Variants in ADORA1 observed in about 807,000 individuals in gnomAD.
ADORA1 encodes adenosine receptor A1.
ADORA1 carries 6 observed loss-of-function variants against 19.9 expected under a neutral mutation model. That is an observed-to-expected ratio of 0.30 (90% confidence interval 0.17 to 0.59). ADORA1 has a LOEUF of 0.59. ADORA1 is among the 20% of genes least tolerant of loss of function. ADORA1 has a pLI of 0.87. For synonymous variants in ADORA1, 194 were observed against 188.4 expected, an observed-to-expected ratio of 1.03 and a Z score of -0.24; for missense variants, 302 against 439.2, an observed-to-expected ratio of 0.69 and a Z score of 2.79.
chr1:203,152,768 C>G (rs1333951276), intron 3 of ADORA1: 1 of 152,070 alleles, frequency 6.6e-6, no homozygotes, highest in African/African-American at 2.4e-5. Context: ...GGTCAGACAC[C>G]CTCCTCCTTG....
intron 3 of ADORA1, chr1:203,150,556 C>T: frequency 8.1e-7 from 1 of 1,242,052 alleles, no homozygotes; most frequent in Admixed American, 2.5e-5. Context: ...GTTATTTGGG[C>T]TCTACACCCC....
Position 203,128,905 on chromosome 1 carries a change from G to A in ADORA1, c.64G>A (p.Val22Ile). The A allele has an allele frequency of 6.2e-7, 1 of 1,613,532 alleles. No homozygotes were observed. Among genetic ancestry groups the A allele is most frequent in the Non-Finnish European group, 8.5e-7 (1 of 1,180,022 alleles). ...YIGIEVLIAL[V>I]SVPGNVLVIW... ...CGGCATCGAGGTGCTCATCGCCCTG[G>A]TCTCTGTGCCCGGGAACGTGCTGGT... The change falls in exon 3 of 4, where the codon GTC becomes ATC. Residue 22 changes from valine to isoleucine, a missense_variant. Transcript: ENST00000337894. This position sits in a 1 kb window ranked among gnomAD's most constrained non-coding sequence, Gnocchi z 5.9.
At chr1:203,149,046 A>T (rs1654950408) in intron 3 of ADORA1, among the ~76,000 whole-genome samples, 1 of 151,760 alleles carries the variant, frequency 6.6e-6, no homozygotes, top group Non-Finnish European at 1.5e-5. Flanking sequence ...ACTGGCTAAT[A>T]TTTGTATTTT....
Position 203,167,170 on chromosome 1 carries a change from C to T in ADORA1, c.*1270C>T, listed in dbSNP as rs1655586248. 1 of 151,278 alleles carries T rather than the reference C, an allele frequency of 6.6e-6. No individual in the cohort carries two copies. Among genetic ancestry groups the T allele is most frequent in the African/African-American group, 2.5e-5 (1 of 39,768 alleles). 9.4% of individuals were successfully genotyped at this position (151,278 alleles called of 1,614,324 possible). On this transcript the variant is annotated 3_prime_UTR_variant, in exon 4 of 4. Coordinates refer to ENST00000337894, the MANE Select transcript of ADORA1 (RefSeq NM_000674.3). ...GGGGCAAGGTGGGGGAGCCTGGAGC[C>T]CCTGTGTGGGAGGGCGAGGCGGGGG...
At chr1:203,131,930 G>A (rs1448114043) in intron 3 of ADORA1, among the ~76,000 whole-genome samples, 4 of 152,308 alleles carry the variant, frequency 2.6e-5, no homozygotes, top group East Asian at 1.9e-4. Flanking sequence ...ACAGAGAGTC[G>A]TACTGACCGA....
intron 3 of ADORA1, among the ~76,000 whole-genome samples, chr1:203,158,595 C>T (rs1020671981): frequency 6.6e-6 from 1 of 152,202 alleles, no homozygotes; most frequent in African/African-American, 2.4e-5. Context: ...ATACCTGTTA[C>T]CCAGTTCTAA....
intron 3 of ADORA1, among the ~76,000 whole-genome samples, chr1:203,135,425 G>A (rs1181072831): frequency 1.3e-5 from 2 of 152,112 alleles, no homozygotes; most frequent in African/African-American, 2.4e-5. Flanking sequence ...TTGGGAGCCC[G>A]AGGCAGGCAG....
chr1:203,146,002 C>G (rs762120964), intron 3 of ADORA1, among the ~76,000 whole-genome samples: 1 of 152,152 alleles, frequency 6.6e-6, no homozygotes, highest in Non-Finnish European at 1.5e-5. Flanking sequence ...GTATGGTGCC[C>G]GGGGCATCTG....
chr1:203,133,012 AGT>A (rs1654390408), intron 3 of ADORA1, among the ~76,000 whole-genome samples: 2 of 151,856 alleles, frequency 1.3e-5, no homozygotes, highest in South Asian at 4.1e-4. Context: ...GCTCCTAGTG[AGT>A]GTATGCTAGG....
chr1:203,157,091 C>T (rs1655220373), intron 3 of ADORA1, among the ~76,000 whole-genome samples: 1 of 152,228 alleles, frequency 6.6e-6, no homozygotes, highest in African/African-American at 2.4e-5. Flanking sequence ...TTTATTCCAT[C>T]CCAGTAGGCC....
At chr1:203,138,405 A>G (rs1654576934) in intron 3 of ADORA1, among the ~76,000 whole-genome samples, 1 of 152,196 alleles carries the variant, frequency 6.6e-6, no homozygotes, top group African/African-American at 2.4e-5. Context: ...CAGTGCAGAT[A>G]CAGAAGAGAG....
Position 203,135,167 on chromosome 1 carries a change from C to A in ADORA1, c.341+5985C>A, listed in dbSNP as rs114262641. Among the ~76,000 whole-genome samples, 1,175 of 152,312 alleles carry A rather than the reference C, an allele frequency of 7.7e-3. 11 individuals carry two copies. Among genetic ancestry groups the A allele is most frequent in the African/African-American group, 0.026 (1,101 of 41,548 alleles). On this transcript the variant is annotated intron_variant, in intron 3 of 3. Transcript: ENST00000337894. ...TTCCCAAAGGCCAGGGACACATCTG[C>A]TTACATACCCCCATTTCCCCATGCC... is the stretch of plus-strand genomic sequence containing the variant.
chr1:203,137,325 T>G (rs879888842), intron 3 of ADORA1, among the ~76,000 whole-genome samples: 9 of 151,988 alleles, frequency 5.9e-5, no homozygotes, highest in Non-Finnish European at 1.3e-4. Context: ...GATGGAGAGA[T>G]AAAGGGAGAG....
intron 3 of ADORA1, among the ~76,000 whole-genome samples, chr1:203,134,207 C>T (rs751695655): frequency 7.2e-5 from 11 of 152,104 alleles, no homozygotes; most frequent in Non-Finnish European, 1.5e-4. Context: ...TTCCTCCTCC[C>T]ATCTGGATGC....
At chr1:203,148,752 T>C (rs988543431) in intron 3 of ADORA1, among the ~76,000 whole-genome samples, 2 of 152,300 alleles carry the variant, frequency 1.3e-5, no homozygotes, top group African/African-American at 4.8e-5. Context: ...AGGAAGCCAC[T>C]CTATGCCTGT....
intron 3 of ADORA1, among the ~76,000 whole-genome samples, chr1:203,156,784 G>A (rs1655211041): frequency 6.6e-6 from 1 of 152,222 alleles, no homozygotes; most frequent in South Asian, 2.1e-4. Context: ...AGAGGGCCAT[G>A]TCTGATAAGG....
At chr1:203,140,380 G>C (rs1227658274) in intron 3 of ADORA1, among the ~76,000 whole-genome samples, 2 of 152,232 alleles carry the variant, frequency 1.3e-5, no homozygotes, top group African/African-American at 2.4e-5. Context: ...GGAATCCAAT[G>C]TGACGATCCG....
At chr1:203,162,064 T>C (rs1326275323) in intron 3 of ADORA1, among the ~76,000 whole-genome samples, 1 of 152,188 alleles carries the variant, frequency 6.6e-6, no homozygotes, top group African/African-American at 2.4e-5. Context: ...GGGAGGGGCA[T>C]TCCCAAGAGT....
intron 3 of ADORA1, among the ~76,000 whole-genome samples, chr1:203,159,462 C>T (rs1364284909): frequency 6.6e-6 from 1 of 152,142 alleles, no homozygotes; most frequent in African/African-American, 2.4e-5. Flanking sequence ...CTTGCCTCAG[C>T]ACCTCTCCCC....
Sources: gnomAD v4.1 joint callset for allele counts (sites outside exome capture counted in the v4.1 genomes callset) on GRCh38, gnomAD v4.1.1 for gene constraint, Gnocchi (gnomAD v3.1) non-coding constraint, MANE v1.5 for transcripts, NCBI Gene and HGNC (gene_info 2026-07-23, HGNC 2026-07-21) for gene names.